ZCCHC14: variants seen among roughly 807,000 people sequenced by gnomAD.
ZCCHC14 encodes zinc finger CCHC domain-containing protein 14.
A neutral mutation model predicts 85.0 loss-of-function variants in ZCCHC14; 16 were observed. The observed-to-expected ratio is 0.19, with a 90% CI of 0.13 to 0.29. The LOEUF is 0.29. Among genes scored for constraint, ZCCHC14 ranks in the 10% least tolerant of loss-of-function variants. The pLI is 1.00. For missense variants in ZCCHC14, 1,303 were observed against 1,443.5 expected (o/e 0.90, Z 1.58); for synonymous variants, 775 against 630.7 (o/e 1.23, Z -3.43).
intron 3 of ZCCHC14, among the ~76,000 whole-genome samples, chr16:87,424,281 C>T (rs987354422): frequency 1.1e-4 from 16 of 152,158 alleles, no homozygotes; most frequent in African/African-American, 3.9e-4. Flanking sequence ...GCCCTTCGAC[C>T]ACCGGTAAGG....
chr16:87,441,534 C>G (rs892061454), intron 2 of ZCCHC14, among the ~76,000 whole-genome samples: 2 of 152,126 alleles, frequency 1.3e-5, no homozygotes, highest in Non-Finnish European at 2.9e-5. Flanking sequence ...AAACTCCTCT[C>G]CAACATAAAC....
At chr16:87,438,704 A>G (rs921806994) in intron 2 of ZCCHC14, among the ~76,000 whole-genome samples, 1 of 152,232 alleles carries the variant, frequency 6.6e-6, no homozygotes, top group East Asian at 1.9e-4. Context: ...TGGGGCATTC[A>G]CACGAGGCCT....
At chr16:87,449,341 G>A (rs190882222) in intron 2 of ZCCHC14, among the ~76,000 whole-genome samples, 1 of 152,156 alleles carries the variant, frequency 6.6e-6, no homozygotes, top group Non-Finnish European at 1.5e-5. Flanking sequence ...CTGAAGAGAA[G>A]TAGAAAGGGA....
Position 87,409,022 on chromosome 16 carries a change from T to G in ZCCHC14, c.*1258A>C, listed in dbSNP as rs994114401. The G allele has an allele frequency of 6.6e-6, 1 of 152,488 alleles. No homozygotes were observed. The highest frequency in any genetic ancestry group is 1.5e-5 in the Non-Finnish European group (1 of 68,006). The allele number at this position is 152,488 out of a possible 1,614,324, so 9.4% of individuals were successfully genotyped here. A position where few individuals can be genotyped will look rare whatever the true frequency, so the allele number is the denominator to read the frequency against. The stretch of plus-strand genomic sequence containing the variant: ...ACAAAAGGCTTTCATTTCCGTGGGT[T>G]GAAATTTAGAGATCTACAGTGAGGA... On this transcript the variant is annotated 3_prime_UTR_variant, in exon 13 of 13. Coordinates refer to ENST00000671377, the MANE Select transcript of ZCCHC14 (RefSeq NM_015144.3).
chr16:87,467,684 C>A, intron 1 of ZCCHC14: 1 of 791,932 alleles, frequency 1.3e-6, no homozygotes, highest in East Asian at 2.5e-5. Flanking sequence ...TGGAGTCTCG[C>A]TCTGTCGCCC....
At position 87,417,694 on chromosome 16, in the gene ZCCHC14, C is replaced by A. The variant is rs1279083926; in HGVS notation, c.1149G>T (p.Gln383His). The change falls in exon 8 of 13, where the codon CAG becomes CAT. Residue 383 changes from glutamine to histidine, a missense_variant. Gln to His is a conservative substitution (Grantham distance 24). Around this residue, in one of 7 missense-constraint regions of ZCCHC14, gnomAD observed 389 missense variants for 397.8 expected, o/e 0.98. Transcript: ENST00000671377. Reference protein sequence around the residue: ...AGIPSSQSGAQHHGQHPAGSA... With the variant: ...AGIPSSQSGAHHHGQHPAGSA... ...AGCCGGCCGGGTGCTGCCCGTGGTG[C>A]TGGGCTCCGCTCTGCGAGGACGGGA... 3 of 1,609,140 alleles carry A rather than the reference C, an allele frequency of 1.9e-6. No homozygotes were observed. Among genetic ancestry groups the A allele is most frequent in the Non-Finnish European group, 1.7e-6 (2 of 1,178,442 alleles).
intron 1 of ZCCHC14, chr16:87,467,391 G>A: frequency 6.2e-7 from 1 of 1,600,532 alleles, no homozygotes; most frequent in Non-Finnish European, 8.6e-7. Context: ...ACTGGGCACA[G>A]TTTACTGTCA....
chr16:87,425,351 C>T (rs867505865), intron 3 of ZCCHC14, among the ~76,000 whole-genome samples: 1 of 151,920 alleles, frequency 6.6e-6, no homozygotes, highest in Non-Finnish European at 1.5e-5. Flanking sequence ...CTGAGGTGGG[C>T]GGATCACCTG....
In ZCCHC14 at chr16:87,450,331, C is replaced by T. The variant is rs556059160; in HGVS notation, c.694+9677G>A. On this transcript the variant is annotated intron_variant, in intron 2 of 12. Coordinates refer to ENST00000671377, the MANE Select transcript of ZCCHC14 (RefSeq NM_015144.3). Reference sequence around the variant, plus strand: ...ATGTTAATGGGATAATTTCTAGAAGCATTACCTCTTGTAGCTGTTATTAGA... The same window carrying T: ...ATGTTAATGGGATAATTTCTAGAAGTATTACCTCTTGTAGCTGTTATTAGA... Among the ~76,000 whole-genome samples, 4 of 152,346 alleles carry T rather than the reference C, an allele frequency of 2.6e-5. No individual in the cohort carries two copies. In the East Asian group the frequency reaches 7.7e-4, roughly 29 times the overall value.
Position 87,491,678 on chromosome 16 carries a change from G to C in ZCCHC14, c.561C>G (p.Ala187=), listed in dbSNP as rs769907861. 1 of 1,418,132 alleles carries C rather than the reference G, an allele frequency of 7.1e-7. No individual in the cohort carries two copies. Among genetic ancestry groups the C allele is most frequent in the Non-Finnish European group, 9.2e-7 (1 of 1,092,376 alleles). The allele number at this position is 1,418,132 out of a possible 1,614,324, so 87.8% of individuals were successfully genotyped here. A position where few individuals can be genotyped will look rare whatever the true frequency, so the allele number is the denominator to read the frequency against. Residue 187 remains alanine, a synonymous_variant, in exon 1 of 13, where the codon GCC becomes GCG. Coordinates refer to ENST00000671377, the MANE Select transcript of ZCCHC14 (RefSeq NM_015144.3). This position sits in a 1 kb window ranked among gnomAD's most constrained non-coding sequence, Gnocchi z 5.9. ...CGGGGCGGGCACGCACCTTGTGGCA[G>C]GCTGGGCAAGTGGGCAGCGCGCCGC... The part of the protein sequence containing the change: ...GPGGALPTCP[A]CHKITPRTEA...
chr16:87,457,749 T>A (rs1053405766), intron 2 of ZCCHC14, among the ~76,000 whole-genome samples: 1 of 152,190 alleles, frequency 6.6e-6, no homozygotes, highest in Non-Finnish European at 1.5e-5. Flanking sequence ...ACTGTGACTT[T>A]AGACTTTCTG....
chr16:87,485,751 C>A (rs1010881049), intron 1 of ZCCHC14, among the ~76,000 whole-genome samples: 1 of 152,272 alleles, frequency 6.6e-6, no homozygotes, highest in East Asian at 1.9e-4. Flanking sequence ...GTACCTCTTA[C>A]TATTCTATTC....
At chr16:87,419,666 C>G in intron 6 of ZCCHC14, 117 bp downstream of exon 6, 1 of 779,384 alleles carries the variant, frequency 1.3e-6, no homozygotes, top group Non-Finnish European at 1.9e-6. Context: ...GAACTCCCAA[C>G]CTCAGGTGAT....
At chr16:87,416,672 C>T (rs183029619) in intron 8 of ZCCHC14, among the ~76,000 whole-genome samples, 121 of 152,222 alleles carry the variant, frequency 7.9e-4, no homozygotes, top group Non-Finnish European at 1.4e-3. Flanking sequence ...AGGAGAATCG[C>T]TTGAACCCGG....
intron 4 of ZCCHC14, among the ~76,000 whole-genome samples, chr16:87,422,571 A>G (rs1490547027): frequency 2.0e-5 from 3 of 151,842 alleles, no homozygotes; most frequent in African/African-American, 7.3e-5. Flanking sequence ...AAAAATTAAA[A>G]AAAAAAAAAA....
At chr16:87,449,491 G>A (rs1480028970) in intron 2 of ZCCHC14, among the ~76,000 whole-genome samples, 1 of 151,954 alleles carries the variant, frequency 6.6e-6, no homozygotes, top group East Asian at 1.9e-4. Context: ...GAGGCGCAGC[G>A]ACAGACCCCG....
rs112691623 is a variant in ZCCHC14 at position 87,414,478 on chromosome 16, C to A, written c.1539G>T (p.Val513=). 6.2e-7 allele frequency: 1 copy of A among 1,613,512 alleles called. No homozygotes were observed. Among genetic ancestry groups the A allele is most frequent in the Admixed American group, 1.7e-5 (1 of 60,012 alleles). ...SAPPLVTSSG[V]ARVPPTSHVG... ...CGTGGCTGGTGGGGGGCACTCGAGC[C>A]ACACCACTGCTGGTGACCAGCGGCG... Residue 513 remains valine, a synonymous_variant, in exon 10 of 13, where the codon GTG becomes GTT. Transcript: ENST00000671377.
chr16:87,488,065 A>G (rs1912595007), intron 1 of ZCCHC14, among the ~76,000 whole-genome samples: 2 of 152,210 alleles, frequency 1.3e-5, no homozygotes, highest in African/African-American at 2.4e-5. Flanking sequence ...GCACAGCTAT[A>G]TGACTATACT....
In ZCCHC14 at chr16:87,418,728, T is replaced by TATC. The variant is rs1202909265; in HGVS notation, c.1100+116_1100+118dup. On this transcript the variant is annotated intron_variant, in intron 7 of 12. Coordinates refer to ENST00000671377, the MANE Select transcript of ZCCHC14 (RefSeq NM_015144.3). The stretch of plus-strand genomic sequence containing the variant: ...ATCATCTCTACTCAATTCTTCTCAA[T>TATC]ATCATCCAAGACTCAACTTGAGCAT... 23 of 1,036,438 alleles carry TATC rather than the reference T, an allele frequency of 2.2e-5. No homozygotes were observed. In the Admixed American group the frequency reaches 4.7e-4, roughly 21 times the overall value. 64.2% of individuals were successfully genotyped at this position (1,036,438 alleles called of 1,614,324 possible). A position where few individuals can be genotyped will look rare whatever the true frequency, so the allele number is the denominator to read the frequency against.
Sources: allele counts gnomAD v4.1 joint callset (sites outside exome capture counted in the v4.1 genomes callset), GRCh38; gene constraint gnomAD v4.1.1; regional missense constraint gnomAD v4.1.1; non-coding constraint Gnocchi (gnomAD v3.1); transcripts MANE v1.5; gene names NCBI Gene and HGNC (gene_info 2026-07-23, HGNC 2026-07-21).